CLNK: variants seen among roughly 807,000 people sequenced by gnomAD.
CLNK encodes cytokine dependent hematopoietic cell linker.
In CLNK, 74 loss-of-function variants were observed where a neutral mutation model predicts 68.6. The observed-to-expected ratio is 1.08, with a 90% CI of 0.89 to 1.31. The LOEUF is 1.31. CLNK is among the 50% of genes most tolerant of loss of function. CLNK has a pLI of 0.00. For synonymous variants in CLNK, 198 were observed against 172.2 expected (o/e 1.15, Z -1.17); for missense variants, 553 against 515.3 (o/e 1.07, Z -0.71).
intron 8 of CLNK, among the ~76,000 whole-genome samples, chr4:10,555,884 T>C (rs1558200): frequency 0.97 from 147,802 of 152,276 alleles, 71,882 homozygotes; most frequent in East Asian, 1. Context: ...CTTCCAGCCT[T>C]GTTCTAGATA....
At position 10,642,765 on chromosome 4, in the gene CLNK, C is replaced by A. The variant is rs375942342; in HGVS notation, c.11+25094G>T. Among the ~76,000 whole-genome samples, 21 of 152,340 alleles carry A rather than the reference C, an allele frequency of 1.4e-4. No individual in the cohort carries two copies. The East Asian group carries it at 3.7e-3, about 27-fold the overall frequency. On this transcript the variant is annotated intron_variant, in intron 2 of 18. Coordinates refer to ENST00000226951, the MANE Select transcript of CLNK (RefSeq NM_052964.4). ...GGTAGCTGGGAAAGTCATCTAACTT[C>A]TTTAATCCTCCATTGTCTCAACTCT...
At chr4:10,704,524 T>G in the CLNK span, among the ~76,000 whole-genome samples, 1 of 152,092 alleles carries the variant, frequency 6.6e-6, no homozygotes, top group Non-Finnish European at 1.5e-5. Flanking sequence ...TGCTGCAACC[T>G]CCAGACCTCT....
In CLNK at chr4:10,618,804, C is replaced by T. The variant is rs1044909272; in HGVS notation, c.12-20755G>A. On this transcript the variant is annotated intron_variant, in intron 2 of 18. Transcript: ENST00000226951. ...TATCTCACAATAACTCACTCAGTCA[C>T]GGTTATGTTATGAGAACAGCATCAA... Among the ~76,000 whole-genome samples, 10 of 152,124 alleles carry T rather than the reference C, an allele frequency of 6.6e-5. No homozygotes were observed. In the South Asian group the frequency reaches 1.0e-3, roughly 16 times the overall value.
chr4:10,540,801 G>A (rs188716683), intron 10 of CLNK, among the ~76,000 whole-genome samples, 197 bp from the exon 11 acceptor site: 1 of 152,188 alleles, frequency 6.6e-6, no homozygotes, highest in Admixed American at 6.5e-5. Context: ...TCTATGGGGA[G>A]TCAATGTGCT....
chr4:10,679,660 A>C (rs1262052494), intron 1 of CLNK, among the ~76,000 whole-genome samples: 1 of 152,192 alleles, frequency 6.6e-6, no homozygotes, highest in African/African-American at 2.4e-5. Context: ...AACTCAAACA[A>C]ATTTACAAGA....
At position 10,542,285 on chromosome 4, in the gene CLNK, A is replaced by G; in HGVS notation, c.446-5T>C. The G allele has an allele frequency of 6.5e-7, 1 of 1,532,494 alleles. No individual in the cohort carries two copies. Among genetic ancestry groups the G allele is most frequent in the South Asian group, 1.2e-5 (1 of 83,984 alleles). 94.9% of individuals were successfully genotyped at this position (1,532,494 alleles called of 1,614,324 possible). On this transcript the variant is annotated splice_region_variant and splice_polypyrimidine_tract_variant and intron_variant, in intron 8 of 18. Transcript: ENST00000226951. Reference sequence around the variant, plus strand: ...TCTTTCTTACGGATGCATCTCCTAAAACATAAGAGGGAATAGCAGTGAATT... The same window carrying G: ...TCTTTCTTACGGATGCATCTCCTAAGACATAAGAGGGAATAGCAGTGAATT...
chr4:10,525,633 A>G (rs147575862), intron 14 of CLNK, among the ~76,000 whole-genome samples: 66 of 152,328 alleles, frequency 4.3e-4, no homozygotes, highest in African/African-American at 1.5e-3. Context: ...CTTCTTTAAC[A>G]CTCAATCAAT....
intron 15 of CLNK, among the ~76,000 whole-genome samples, chr4:10,513,838 T>G (rs1273598397): frequency 1.3e-5 from 2 of 148,594 alleles, no homozygotes; most frequent in African/African-American, 4.9e-5. Flanking sequence ...TTTAAATTAT[T>G]ATTATTATTA....
At chr4:10,592,404 A>G (rs528557880) in intron 3 of CLNK, among the ~76,000 whole-genome samples, 1 of 152,152 alleles carries the variant, frequency 6.6e-6, no homozygotes, top group East Asian at 1.9e-4. Context: ...ACATTCCTCT[A>G]GCGGGCAGAG....
the CLNK span, among the ~76,000 whole-genome samples, chr4:10,727,961 C>A: frequency 7.9e-5 from 12 of 152,142 alleles, no homozygotes; most frequent in African/African-American, 2.9e-4. Flanking sequence ...GCATACTGTG[C>A]TCAAGGTTGA....
At chr4:10,603,473 T>C (rs1366836985) in intron 2 of CLNK, among the ~76,000 whole-genome samples, 3 of 152,328 alleles carry the variant, frequency 2.0e-5, no homozygotes, top group Admixed American at 6.5e-5. Flanking sequence ...TTTTGCCTCA[T>C]GTTCAGCACA....
intron 16 of CLNK, among the ~76,000 whole-genome samples, chr4:10,511,397 G>T (rs1380880190): frequency 2.6e-5 from 4 of 152,092 alleles, no homozygotes; most frequent in Non-Finnish European, 5.9e-5. Context: ...CCATTTTTAG[G>T]TGTATAATTC....
At position 10,490,300 on chromosome 4, in the gene CLNK, G is replaced by T. The variant is rs536521323; in HGVS notation, c.*167C>A. 3.7e-6 allele frequency: 2 copies of T among 535,848 alleles called. No homozygotes were observed. Among genetic ancestry groups the T allele is most frequent in the Admixed American group, 4.0e-5 (1 of 24,810 alleles). The allele number at this position is 535,848 out of a possible 1,614,324, so 33.2% of individuals were successfully genotyped here. ...GTTATAAATATTTTCTCTGTGGTTT[G>T]AACTTTCAAAACCGTGAGTGATTTT... On this transcript the variant is annotated 3_prime_UTR_variant, in exon 19 of 19. Transcript: ENST00000226951.
At chr4:10,704,713 C>T in the CLNK span, among the ~76,000 whole-genome samples, 2 of 152,210 alleles carry the variant, frequency 1.3e-5, no homozygotes, top group Non-Finnish European at 1.5e-5. Flanking sequence ...CCCCCCTGTG[C>T]TCAACATACT....
At chr4:10,531,501 A>G (rs1225325906) in intron 12 of CLNK, 2 of 199,320 alleles carry the variant, frequency 1.0e-5, no homozygotes, top group Non-Finnish European at 2.1e-5. Flanking sequence ...CAATGGCATG[A>G]TCTTGGCTCA....
chr4:10,562,101 C>CT (rs11345903), intron 7 of CLNK, among the ~76,000 whole-genome samples: 77,255 of 129,026 alleles, frequency 0.6, 23,812 homozygotes, highest in South Asian at 0.68. Context: ...TTTTTCTTTT[C>CT]TTTTTTTTTT....
intron 17 of CLNK, among the ~76,000 whole-genome samples, chr4:10,506,575 C>A (rs946683066): frequency 1.3e-5 from 2 of 152,308 alleles, no homozygotes; most frequent in Admixed American, 1.3e-4. Flanking sequence ...GTACTTTGGG[C>A]AAACCTTGAT....
At chr4:10,698,160 G>A in the CLNK span, among the ~76,000 whole-genome samples, 116 of 152,282 alleles carry the variant, frequency 7.6e-4, 1 homozygote, top group African/African-American at 2.6e-3. Flanking sequence ...ATATAGTCAT[G>A]TGTCTGTAAA....
intron 2 of CLNK, among the ~76,000 whole-genome samples, chr4:10,611,037 A>T (rs1241308969): frequency 1.3e-5 from 2 of 152,030 alleles, no homozygotes; most frequent in Non-Finnish European, 2.9e-5. Context: ...TACAAAAATT[A>T]GGCTGGGCGC....
Sources: gnomAD v4.1 joint callset for allele counts (sites outside exome capture counted in the v4.1 genomes callset) on GRCh38, gnomAD v4.1.1 for gene constraint, MANE v1.5 for transcripts, NCBI Gene and HGNC (gene_info 2026-07-23, HGNC 2026-07-21) for gene names.